PDE1A: variants seen among roughly 807,000 people sequenced by gnomAD.
PDE1A encodes phosphodiesterase 1A.
PDE1A carries 35 observed loss-of-function variants against 61.7 expected under a neutral mutation model. The ratio of observed to expected loss-of-function variants is 0.57; its 90% CI spans 0.43 to 0.75. The LOEUF (loss-of-function observed/expected upper bound fraction) is 0.75. Among genes scored for constraint, PDE1A ranks in the 30% least tolerant of loss-of-function variants. The pLI, the probability that PDE1A is intolerant of heterozygous loss-of-function variation, is 0.00. For missense variants in PDE1A, 597 were observed against 630.6 expected (o/e 0.95, Z 0.57); for synonymous variants, 232 against 213.2 (o/e 1.09, Z -0.77).
At chr2:182,616,129 A>G in the PDE1A span, among the ~76,000 whole-genome samples, 1 of 152,230 alleles carries the variant, frequency 6.6e-6, no homozygotes, top group African/African-American at 2.4e-5. Flanking sequence ...AATTAAGTTC[A>G]TTTATGGGTT....
At chr2:182,598,954 G>A in the PDE1A span, among the ~76,000 whole-genome samples, 1 of 152,174 alleles carries the variant, frequency 6.6e-6, no homozygotes, top group Non-Finnish European at 1.5e-5. Flanking sequence ...TGGGATGGAG[G>A]CTGGAGTTCT....
At chr2:182,576,675 C>T in the PDE1A span, among the ~76,000 whole-genome samples, 3 of 152,160 alleles carry the variant, frequency 2.0e-5, no homozygotes, top group Middle Eastern at 3.4e-3. Context: ...CATTTTATAT[C>T]CCGACCAACA....
At chr2:182,701,197 G>A in the PDE1A span, among the ~76,000 whole-genome samples, 2 of 73,502 alleles carry the variant, frequency 2.7e-5, no homozygotes, top group Admixed American at 2.7e-4. Flanking sequence ...ACCACGCCCG[G>A]CTAATTTTTT....
intron 2 of PDE1A, among the ~76,000 whole-genome samples, chr2:182,247,868 TAG>T (rs1174378364): frequency 1.3e-5 from 2 of 152,208 alleles, no homozygotes; most frequent in African/African-American, 4.8e-5. Context: ...TCAACTATCA[TAG>T]TTAATTTTGT....
chr2:182,249,692 T>C (rs1268261451), intron 2 of PDE1A, among the ~76,000 whole-genome samples: 1 of 151,248 alleles, frequency 6.6e-6, no homozygotes, highest in Admixed American at 6.6e-5. Context: ...TATGTCTGCG[T>C]TCTGAGCTGC....
At chr2:182,283,877 T>A (rs1401271409) in intron 1 of PDE1A, among the ~76,000 whole-genome samples, 2 of 152,130 alleles carry the variant, frequency 1.3e-5, no homozygotes, top group African/African-American at 4.8e-5. Flanking sequence ...TTATCCATTA[T>A]CAAACCTCAT....
intron 2 of PDE1A, among the ~76,000 whole-genome samples, chr2:182,241,533 T>C (rs1237407862): frequency 2.0e-5 from 3 of 152,190 alleles, no homozygotes; most frequent in Non-Finnish European, 4.4e-5. Context: ...AAGAACTCAA[T>C]CTGACTAAAG....
At chr2:182,692,488 G>A in the PDE1A span, among the ~76,000 whole-genome samples, 1 of 151,562 alleles carries the variant, frequency 6.6e-6, no homozygotes, top group Non-Finnish European at 1.5e-5. Context: ...TTGGACACAG[G>A]AAAGGGAACA....
chr2:182,294,407 G>A (rs59089675), intron 1 of PDE1A, among the ~76,000 whole-genome samples: 7,950 of 152,098 alleles, frequency 0.052, 310 homozygotes, highest in African/African-American at 0.11. Flanking sequence ...GCATTGTTAT[G>A]CTTTTAATAA....
At chr2:182,688,633 T>C in the PDE1A span, among the ~76,000 whole-genome samples, 1 of 152,186 alleles carries the variant, frequency 6.6e-6, no homozygotes, top group South Asian at 2.1e-4. Context: ...ACGAGCAGAA[T>C]AACCAGCTAA....
intron 1 of PDE1A, among the ~76,000 whole-genome samples, chr2:182,329,724 A>G (rs1697279544): frequency 6.6e-6 from 1 of 152,162 alleles, no homozygotes; most frequent in Non-Finnish European, 1.5e-5. Context: ...TCTATCTCCT[A>G]TCTGCAAAGC....
the PDE1A span, among the ~76,000 whole-genome samples, chr2:182,709,287 T>G: frequency 1.3e-4 from 20 of 152,200 alleles, no homozygotes; most frequent in Non-Finnish European, 2.2e-4. Flanking sequence ...TGACAAATAT[T>G]TTTACATATC....
the PDE1A span, among the ~76,000 whole-genome samples, chr2:182,703,183 C>T: frequency 2.6e-5 from 4 of 152,254 alleles, no homozygotes; most frequent in African/African-American, 9.6e-5. Context: ...CATAAAAATC[C>T]TACTTGTGAT....
chr2:182,591,691 A>G, the PDE1A span, among the ~76,000 whole-genome samples: 2 of 152,330 alleles, frequency 1.3e-5, no homozygotes, highest in East Asian at 3.9e-4. Flanking sequence ...TGTGACATCC[A>G]AAAATGTCTC....
intron 7 of PDE1A, among the ~76,000 whole-genome samples, chr2:182,214,655 A>C (rs1687999144): frequency 6.8e-6 from 1 of 147,846 alleles, no homozygotes; most frequent in Admixed American, 6.8e-5. Flanking sequence ...ACAAAGATCA[A>C]AAGAGACAAA....
chr2:182,345,610 G>C (rs1698472959), intron 1 of PDE1A, among the ~76,000 whole-genome samples: 1 of 152,076 alleles, frequency 6.6e-6, no homozygotes, highest in Admixed American at 6.6e-5. Context: ...ACTTTCTGCA[G>C]CTACCCTGGC....
At chr2:182,206,959 CTG>C (rs1276261326) in intron 7 of PDE1A, among the ~76,000 whole-genome samples, 1 of 152,178 alleles carries the variant, frequency 6.6e-6, no homozygotes, top group Non-Finnish European at 1.5e-5. Flanking sequence ...GCCTGTGGAA[CTG>C]TGAGTTAATC....
chr2:182,355,347 A>C (rs1699118274), intron 1 of PDE1A, among the ~76,000 whole-genome samples: 1 of 152,008 alleles, frequency 6.6e-6, no homozygotes, highest in South Asian at 2.1e-4. Flanking sequence ...GTGTAGGTAC[A>C]TAAACATATT....
intron 2 of PDE1A, among the ~76,000 whole-genome samples, chr2:182,512,184 G>T (rs1689843730): frequency 6.6e-6 from 1 of 152,088 alleles, no homozygotes; most frequent in Non-Finnish European, 1.5e-5. Flanking sequence ...CCTTTTTCCA[G>T]CACCTTTCTC....
Sources: gnomAD v4.1 joint callset for allele counts (sites outside exome capture counted in the v4.1 genomes callset) on GRCh38, gnomAD v4.1.1 for gene constraint, MANE v1.5 for transcripts, NCBI Gene and HGNC (gene_info 2026-07-23, HGNC 2026-07-21) for gene names.